The following ATXN2 variants were observed in gnomAD, a reference collection of about 807,000 sequenced individuals.
ATXN2 encodes the protein ataxin 2, also known as ataxin-2.
Under a neutral mutation model 138.6 loss-of-function variants are expected in ATXN2, and 37 were observed. That is an observed-to-expected ratio of 0.27 (90% CI 0.21 to 0.35). ATXN2 has a LOEUF of 0.35. Among genes scored for constraint, ATXN2 ranks in the 10% least tolerant of loss-of-function variants. ATXN2 has a pLI of 1.00. For missense variants in ATXN2, 1,216 were observed against 1,480.3 expected (o/e 0.82, Z 2.93); for synonymous variants, 549 against 543.7 (o/e 1.01, Z -0.13).
At chr12:111,580,334 A>G (rs1274640227) in intron 1 of ATXN2, among the ~76,000 whole-genome samples, 1 of 151,678 alleles carries the variant, frequency 6.6e-6, no homozygotes, top group Non-Finnish European at 1.5e-5. Context: ...AAAAATAAGA[A>G]AAGTAATTAG....
chr12:111,561,108 T>C (rs910825628), intron 1 of ATXN2, among the ~76,000 whole-genome samples: 1 of 151,508 alleles, frequency 6.6e-6, no homozygotes, highest in Non-Finnish European at 1.5e-5. Context: ...TGGTGTGAAC[T>C]TGGGAGGCGG....
chr12:111,489,769 TAATAAAATAA>T (rs915144372), intron 14 of ATXN2, among the ~76,000 whole-genome samples: 2 of 151,140 alleles, frequency 1.3e-5, no homozygotes, highest in Non-Finnish European at 2.9e-5. Flanking sequence ...TAAAAAATAA[TAATAAAATAA>T]AATAAAATAA....
intron 14 of ATXN2, among the ~76,000 whole-genome samples, chr12:111,496,927 G>C (rs1210735209): frequency 6.6e-6 from 1 of 151,720 alleles, no homozygotes; most frequent in Non-Finnish European, 1.5e-5. Context: ...CAATAAAACA[G>C]TAAATTGTTT....
In ATXN2 at chr12:111,516,490, C is replaced by T; in HGVS notation, c.1166-127G>A. ...TACATTTTAACCCTTTGAGGACAGT[C>T]ATTTGATTTGTGATAAGTTTTAGCA... On this transcript the variant is annotated intron_variant, in intron 9 of 24. Coordinates refer to ENST00000673436, the MANE Select transcript of ATXN2 (RefSeq NM_001372574.1). The surrounding 1 kb of genome is among the most constrained non-coding windows in gnomAD (Gnocchi z 5.0). The T allele has an allele frequency of 1.1e-6, 1 of 894,552 alleles. No individual in the cohort carries two copies. The highest frequency in any genetic ancestry group is 1.8e-5 in the South Asian group (1 of 55,304). The allele number at this position is 894,552 out of a possible 1,614,324, so 55.4% of individuals were successfully genotyped here.
At chr12:111,462,194 A>T (rs781156959) in intron 21 of ATXN2, among the ~76,000 whole-genome samples, 5 of 152,234 alleles carry the variant, frequency 3.3e-5, no homozygotes, top group Admixed American at 6.5e-5. Flanking sequence ...AAGATAATCA[A>T]AGACATATGC....
chr12:111,464,527 T>TTA (rs1164518930), intron 21 of ATXN2, 135 bp downstream of exon 21: 2 of 508,726 alleles, frequency 3.9e-6, no homozygotes, highest in Non-Finnish European at 3.2e-6. Flanking sequence ...ACTGAATTAT[T>TTA]TATATATATA....
intron 18 of ATXN2, among the ~76,000 whole-genome samples, chr12:111,480,805 T>C (rs1223081225): frequency 6.6e-6 from 1 of 152,112 alleles, no homozygotes; most frequent in Non-Finnish European, 1.5e-5. Flanking sequence ...TCAAAAGAGA[T>C]TGTAGACTTA....
chr12:111,561,385 T>G (rs950677489), intron 1 of ATXN2, among the ~76,000 whole-genome samples: 1 of 150,358 alleles, frequency 6.7e-6, no homozygotes, highest in Non-Finnish European at 1.5e-5. Context: ...TCCCAACTAT[T>G]CAGGAGGAGG....
chr12:111,513,524 G>A lies in ATXN2; in HGVS notation c.1391C>T (p.Ser464Phe). ...TCGAGGATGTCGCTGGGCCTTTGGG[G>A]ACATCCTTGGAGGCCCTAAGGAAGA... ...RMSSEGPPRM[S>F]PKAQRHPRNH... Residue 464 changes from serine (S) to phenylalanine (F), a missense_variant, in exon 11 of 25, where the codon TCC becomes TTC. Transcript: ENST00000673436. The A allele has an allele frequency of 6.2e-7, 1 of 1,612,832 alleles. No individual in the cohort carries two copies. Among genetic ancestry groups the A allele is most frequent in the Non-Finnish European group, 8.5e-7 (1 of 1,179,540 alleles).
At chr12:111,513,603 A>G in intron 10 of ATXN2, 64 bp from the exon 11 acceptor site, 1 of 1,451,692 alleles carries the variant, frequency 6.9e-7, no homozygotes, top group Non-Finnish European at 9.3e-7. Flanking sequence ...CTTTTCTGCT[A>G]AATACACCCA....
In ATXN2 at chr12:111,470,670, C is replaced by T; in HGVS notation, c.2597G>A (p.Gly866Asp). Residue 866 changes from glycine to aspartate, a missense_variant, in exon 19 of 25, where the codon GGC becomes GAC. Coordinates refer to ENST00000673436, the MANE Select transcript of ATXN2 (RefSeq NM_001372574.1). ...SAMMHPASAA[G>D]PPIAATPPAY... The stretch of plus-strand genomic sequence containing the variant: ...TGGTGGGGTGGCTGCAATCGGTGGG[C>T]CCGCTGCTGACGCTGGGTGCATCAT... The T allele has an allele frequency of 6.2e-7, 1 of 1,614,114 alleles. No individual in the cohort carries two copies. Among genetic ancestry groups the T allele is most frequent in the Non-Finnish European group, 8.5e-7 (1 of 1,180,020 alleles).
At chr12:111,463,163 T>C (rs750131745) in intron 21 of ATXN2, among the ~76,000 whole-genome samples, 7 of 152,204 alleles carry the variant, frequency 4.6e-5, no homozygotes, top group Non-Finnish European at 1.0e-4. Flanking sequence ...AACATAAAAT[T>C]TGAATCCTTA....
chr12:111,493,355 G>A (rs1470478379), intron 14 of ATXN2, among the ~76,000 whole-genome samples: 1 of 145,108 alleles, frequency 6.9e-6, no homozygotes, highest in Non-Finnish European at 1.5e-5. Flanking sequence ...GGGAGTTGGA[G>A]GTTGTAGTGA....
In ATXN2 at chr12:111,453,384, A is replaced by G. The variant is rs548036093; in HGVS notation, c.3439+293T>C. The G allele has an allele frequency of 2.0e-4, 233 of 1,164,548 alleles. No individual in the cohort carries two copies. Among genetic ancestry groups the G allele is most frequent in the South Asian group, 5.3e-4 (16 of 30,310 alleles). The allele number at this position is 1,164,548 out of a possible 1,614,324, so 72.1% of individuals were successfully genotyped here. A position where few individuals can be genotyped will look rare whatever the true frequency, so the allele number is the denominator to read the frequency against. On this transcript the variant is annotated intron_variant, in intron 24 of 24. Coordinates refer to ENST00000673436, the MANE Select transcript of ATXN2 (RefSeq NM_001372574.1). This position sits in a 1 kb window ranked among gnomAD's most constrained non-coding sequence, Gnocchi z 5.4. ...AAAACACTGCCCTGTCCAGCCTGTC[A>G]TAACAAGGAAGGCCAACTGAGTCCT...
intron 21 of ATXN2, among the ~76,000 whole-genome samples, chr12:111,462,083 G>C (rs1875632414): frequency 6.6e-6 from 1 of 152,144 alleles, no homozygotes. Context: ...AAAGATCCCA[G>C]AGAGGTTAAA....
chr12:111,470,808 G>T (rs1289744731), intron 18 of ATXN2, 66 bp from the exon 19 acceptor site: 1 of 1,519,450 alleles, frequency 6.6e-7, no homozygotes. Context: ...GTGTTCACAT[G>T]GTCTAGGAGG....
At chr12:111,506,875 G>A (rs1445635151) in intron 14 of ATXN2, among the ~76,000 whole-genome samples, 1 of 152,086 alleles carries the variant, frequency 6.6e-6, no homozygotes, top group Non-Finnish European at 1.5e-5. Context: ...TGTGTTGGCC[G>A]GGCTGGTCTC....
chr12:111,576,784 C>T (rs1307692995), intron 1 of ATXN2, among the ~76,000 whole-genome samples: 1 of 151,486 alleles, frequency 6.6e-6, no homozygotes, highest in African/African-American at 2.4e-5. Context: ...ACGGCGAAAC[C>T]CCATCTCTAC....
rs529493581 is a variant in ATXN2 at position 111,507,244 on chromosome 12, G to A, written c.1935+2305C>T. Among the ~76,000 whole-genome samples, 4 of 144,144 alleles carry A rather than the reference G, an allele frequency of 2.8e-5. No homozygotes were observed. In the South Asian group the frequency reaches 6.8e-4, roughly 24 times the overall value. 94.6% of individuals were successfully genotyped at this position (144,144 alleles called of 152,430 possible). A position where few individuals can be genotyped will look rare whatever the true frequency, so the allele number is the denominator to read the frequency against. On this transcript the variant is annotated intron_variant, in intron 14 of 24. Transcript: ENST00000673436. ...GAGCGTCTCTGCCCGGCCACCCGTC[G>A]TCTGAGATGTGGGGAGCGCCTCTGC...
Sources: allele counts gnomAD v4.1 joint callset (sites outside exome capture counted in the v4.1 genomes callset), GRCh38; gene constraint gnomAD v4.1.1; non-coding constraint Gnocchi (gnomAD v3.1); transcripts MANE v1.5; gene names NCBI Gene and HGNC (gene_info 2026-07-23, HGNC 2026-07-21).